Variants in GTF2I observed in about 807,000 individuals in gnomAD.
The protein encoded by GTF2I is general transcription factor II-I.
Under a neutral mutation model 67.6 loss-of-function variants are expected in GTF2I, and 12 were observed. The observed-to-expected ratio is 0.18, with a 90% CI of 0.11 to 0.29. The LOEUF (loss-of-function observed/expected upper bound fraction) is 0.29. GTF2I is among the 10% of genes least tolerant of loss of function. GTF2I has a pLI of 1.00. For missense variants in GTF2I, 271 were observed against 580.1 expected (o/e 0.47, Z 5.47); for synonymous variants, 149 against 197.0 (o/e 0.76, Z 2.04).
At position 74,700,756 on chromosome 7, in the gene GTF2I, CT is replaced by C. The variant is rs1789615081; in HGVS notation, c.586+123del. On this transcript the variant is annotated intron_variant, in intron 6 of 34. Transcript: ENST00000573035. ...ATGATGTCAGACATTTTCGGATGGG[CT>C]GTTTAGATGTTTATATAATCCACAA... is the stretch of plus-strand genomic sequence containing the variant. 26 of 966,752 alleles carry C rather than the reference CT, an allele frequency of 2.7e-5. No homozygotes were observed. In the South Asian group the frequency reaches 3.5e-4, roughly 13 times the overall value. The allele number at this position is 966,752 out of a possible 1,614,324, so 59.9% of individuals were successfully genotyped here. A position where few individuals can be genotyped will look rare whatever the true frequency, so the allele number is the denominator to read the frequency against.
intron 12 of GTF2I, among the ~76,000 whole-genome samples, chr7:74,720,247 T>C (rs1341536160): frequency 6.6e-6 from 1 of 151,744 alleles, no homozygotes; most frequent in Non-Finnish European, 1.5e-5. Context: ...ACTTTATTAG[T>C]TTTTTTTTCT....
At chr7:74,705,958 C>CT (rs1214967953) in intron 7 of GTF2I, among the ~76,000 whole-genome samples, 32 of 150,906 alleles carry the variant, frequency 2.1e-4, no homozygotes, top group South Asian at 6.3e-4. Context: ...GTTGATAACT[C>CT]TTTTTTTTTG....
At chr7:74,691,213 T>C in intron 3 of GTF2I, 102 bp downstream of exon 3, 1 of 932,182 alleles carries the variant, frequency 1.1e-6, no homozygotes, top group East Asian at 2.7e-5. Context: ...TCTTTCTTTT[T>C]TTTTTTTTTT....
rs587765519 is a variant in GTF2I, at chr7:74,728,473, A to G, written c.944-313A>G. ...TTAAAAGTTTTTTCTTGAAAGTCTT[A>G]AAACAATATAGTTCTTGGCAATTTG... is the stretch of plus-strand genomic sequence containing the variant. On this transcript the variant is annotated intron_variant, in intron 12 of 34. Transcript: ENST00000573035. Among the ~76,000 whole-genome samples, 9 of 131,444 alleles carry G rather than the reference A, an allele frequency of 6.8e-5. No homozygotes were observed. The South Asian group carries it at 1.9e-3, about 27-fold the overall frequency. The allele number at this position is 131,444 out of a possible 152,430, so 86.2% of individuals were successfully genotyped here. A position where few individuals can be genotyped will look rare whatever the true frequency, so the allele number is the denominator to read the frequency against.
At chr7:74,661,195 C>T (rs940245177) in intron 1 of GTF2I, among the ~76,000 whole-genome samples, 3 of 152,110 alleles carry the variant, frequency 2.0e-5, no homozygotes, top group African/African-American at 7.2e-5. Context: ...TGTGCGGACT[C>T]TGCTTGCTGG....
At chr7:74,707,714 A>C (rs1554401789) in intron 8 of GTF2I, among the ~76,000 whole-genome samples, 1 of 151,870 alleles carries the variant, frequency 6.6e-6, no homozygotes, top group East Asian at 1.9e-4. Flanking sequence ...AGATTGTGCC[A>C]AAAAAAATCA....
At chr7:74,667,342 C>CA (rs1333249135) in intron 1 of GTF2I, among the ~76,000 whole-genome samples, 4 of 151,442 alleles carry the variant, frequency 2.6e-5, no homozygotes, top group Admixed American at 2.0e-4. Flanking sequence ...GACACCATCT[C>CA]AAAAAAAAGA....
chr7:74,689,483 T>C (rs2131288074), intron 2 of GTF2I, among the ~76,000 whole-genome samples: 1 of 150,652 alleles, frequency 6.6e-6, no homozygotes, highest in East Asian at 2.0e-4. Flanking sequence ...GCCTTCCGAG[T>C]AGCTGGGATT....
chr7:74,680,099 A>AAAAAAAAAAAAAAAAATATAT, intron 1 of GTF2I, among the ~76,000 whole-genome samples: 2 of 94,982 alleles, frequency 2.1e-5, no homozygotes, highest in African/African-American at 4.0e-5. Flanking sequence ...AAAAAAAAAA[A>AAAAAAAAAAAAAAAAATATAT]ATATATATAT....
Position 74,699,077 on chromosome 7 carries a change from T to C in GTF2I, c.355T>C (p.Tyr119His), listed in dbSNP as rs782737598. The C allele has an allele frequency of 6.6e-7, 1 of 1,513,090 alleles. No individual in the cohort carries two copies. The highest frequency in any genetic ancestry group is 2.4e-5 in the East Asian group (1 of 41,402). The allele number at this position is 1,513,090 out of a possible 1,614,324, so 93.7% of individuals were successfully genotyped here. ...IETLRKTVED[Y>H]FCFCYGKALG... ...AACACTCAGAAAAACAGTTGAGGAC[T>C]ATTTCTGCTTTTGCTATGGTAAAAA... Residue 119 changes from tyrosine (Y) to histidine (H), a missense_variant, in exon 4 of 35, where the codon TAT becomes CAT. By Grantham distance (83) the Tyr-to-His change is moderately conservative. Coordinates refer to ENST00000573035, the MANE Select transcript of GTF2I (RefSeq NM_032999.4).
intron 2 of GTF2I, among the ~76,000 whole-genome samples, chr7:74,690,530 C>T (rs1426353964): frequency 6.6e-6 from 1 of 152,076 alleles, no homozygotes; most frequent in African/African-American, 2.4e-5. Flanking sequence ...TTTCAGACCC[C>T]CACCCTCCTT....
chr7:74,659,414 G>T (rs1804270489), intron 1 of GTF2I, among the ~76,000 whole-genome samples: 1 of 151,374 alleles, frequency 6.6e-6, no homozygotes, highest in South Asian at 2.1e-4. Flanking sequence ...TTTTGAGATG[G>T]AGTCTCACTC....
intron 3 of GTF2I, among the ~76,000 whole-genome samples, chr7:74,697,792 C>A (rs781906508): frequency 6.6e-6 from 1 of 152,026 alleles, no homozygotes; most frequent in Non-Finnish European, 1.5e-5. Flanking sequence ...TTTTTTGAGA[C>A]GGAGTCTTGC....
chr7:74,694,874 T>A (rs1554398006), intron 3 of GTF2I, among the ~76,000 whole-genome samples: 1 of 152,208 alleles, frequency 6.6e-6, no homozygotes, highest in Non-Finnish European at 1.5e-5. Context: ...TTTGAAGCCA[T>A]GTTCATTTAC....
intron 1 of GTF2I, among the ~76,000 whole-genome samples, chr7:74,669,234 T>C (rs1343690143): frequency 1.4e-5 from 2 of 144,398 alleles, no homozygotes; most frequent in Admixed American, 7.0e-5. Flanking sequence ...GTTTTTTTTT[T>C]TTTTTTTTTT....
intron 1 of GTF2I, among the ~76,000 whole-genome samples, chr7:74,681,122 TA>T (rs1787233650): frequency 6.6e-6 from 1 of 152,102 alleles, no homozygotes; most frequent in African/African-American, 2.4e-5. Flanking sequence ...ACGTTGAGAA[TA>T]GAAGAACTGA....
Position 74,699,013 on chromosome 7 carries a change from C to T in GTF2I, c.291C>T (p.Thr97=), listed in dbSNP as rs782345125. Residue 97 remains threonine (T), a synonymous_variant, in exon 4 of 35, where the codon ACC becomes ACT. Transcript: ENST00000573035. ...AGATGCATAAAATGAAATCTACAAC[C>T]CAGGCAAATCGGATGAGTGTAGATG... ...AAEMHKMKST[T]QANRMSVDAV... The T allele has an allele frequency of 2.0e-6, 3 of 1,533,740 alleles. No individual in the cohort carries two copies. The highest frequency in any genetic ancestry group is 1.3e-5 in the South Asian group (1 of 76,322).
intron 26 of GTF2I, among the ~76,000 whole-genome samples, chr7:74,750,218 G>A (rs1307037670): frequency 4.1e-5 from 4 of 96,706 alleles, no homozygotes; most frequent in African/African-American, 1.1e-4. Flanking sequence ...GATCACTTGA[G>A]GTCAGGAGTT....
intron 1 of GTF2I, among the ~76,000 whole-genome samples, chr7:74,672,448 C>T (rs1805545614): frequency 6.6e-6 from 1 of 151,892 alleles, no homozygotes. Context: ...GCTGAGGCAG[C>T]AGAATCACTT....
Sources: allele counts gnomAD v4.1 joint callset (sites outside exome capture counted in the v4.1 genomes callset), GRCh38; gene constraint gnomAD v4.1.1; transcripts MANE v1.5; gene names NCBI Gene and HGNC (gene_info 2026-07-23, HGNC 2026-07-21).